The following PCDHGA2 variants were observed in gnomAD, a reference collection of about 807,000 sequenced individuals.
PCDHGA2 encodes protocadherin gamma subfamily A, 2.
PCDHGA2 carries 40 observed loss-of-function variants against 59.2 expected under a neutral mutation model. That is an observed-to-expected ratio of 0.68 (90% CI 0.52 to 0.88). The LOEUF (loss-of-function observed/expected upper bound fraction) is 0.88, where lower values mean the gene tolerates loss of function less well. Ranked by LOEUF, PCDHGA2 falls within the 40% of genes least tolerant of loss-of-function variation. The probability of loss-of-function intolerance (pLI) is 0.00; values close to 1 mark genes in which losing one functional copy is unlikely to be tolerated. For synonymous variants in PCDHGA2, 560 were observed against 526.0 expected (o/e 1.06, Z -0.89); for missense variants, 1,226 against 1,204.0 (o/e 1.02, Z -0.27).
At chr5:141,345,405 T>C in intron 1 of PCDHGA2, 1 of 1,613,986 alleles carries the variant, frequency 6.2e-7, no homozygotes. Context: ...TTTATCCTAC[T>C]CCGCCTACAT....
chr5:141,449,424 T>C (rs2098638345), intron 1 of PCDHGA2, among the ~76,000 whole-genome samples: 1 of 151,674 alleles, frequency 6.6e-6, no homozygotes, highest in Admixed American at 6.6e-5. Context: ...CTGGCCAACA[T>C]GATAAAACTC....
chr5:141,432,266 T>G lies in PCDHGA2; in HGVS notation c.2425-62541T>G. ...CACCATCCAAGGGGCAAGCCTATCG[T>G]CCTACGTGTCCATCAACTCCGACAC... On this transcript the variant is annotated intron_variant, in intron 1 of 3. Transcript: ENST00000394576. This position sits in a 1 kb window ranked among gnomAD's most constrained non-coding sequence, Gnocchi z 6.0. The G allele has an allele frequency of 6.2e-7, 1 of 1,614,214 alleles. No individual in the cohort carries two copies. Among genetic ancestry groups the G allele is most frequent in the East Asian group, 2.2e-5 (1 of 44,880 alleles).
chr5:141,389,111 C>G (rs752785695), intron 1 of PCDHGA2: 8 of 1,614,008 alleles, frequency 5.0e-6, no homozygotes, highest in Non-Finnish European at 6.8e-6. Flanking sequence ...CTGTTCTAGA[C>G]CGCGAGCAGA....
intron 1 of PCDHGA2, chr5:141,415,721 G>A (rs1201366552): frequency 3.0e-6 from 2 of 675,878 alleles, no homozygotes; most frequent in Admixed American, 7.4e-5. Context: ...CTGATGAGTA[G>A]AATTTGATGT....
At chr5:141,451,049 C>T (rs538627151) in intron 1 of PCDHGA2, among the ~76,000 whole-genome samples, 1 of 151,422 alleles carries the variant, frequency 6.6e-6, no homozygotes, top group African/African-American at 2.4e-5. Context: ...AGGCTGGTCT[C>T]GAACTCCTGA....
At chr5:141,399,409 CT>C in intron 1 of PCDHGA2, 2 of 1,614,052 alleles carry the variant, frequency 1.2e-6, no homozygotes, top group South Asian at 2.2e-5. Flanking sequence ...CAAGCCGCCC[CT>C]CTCCTCCAGC....
At chr5:141,388,685 G>A (rs2091454291) in intron 1 of PCDHGA2, 5 of 1,613,932 alleles carry the variant, frequency 3.1e-6, no homozygotes, top group East Asian at 2.2e-5. Flanking sequence ...TGACTGCCAC[G>A]GACCAGGATG....
chr5:141,399,589 A>G (rs1460754588), intron 1 of PCDHGA2: 6 of 1,613,866 alleles, frequency 3.7e-6, no homozygotes, highest in Non-Finnish European at 3.4e-6. Context: ...CTACTCTATC[A>G]TGGCCAGCGA....
intron 1 of PCDHGA2, among the ~76,000 whole-genome samples, chr5:141,368,063 A>G (rs1765467925): frequency 6.6e-6 from 1 of 152,184 alleles, no homozygotes; most frequent in Non-Finnish European, 1.5e-5. Flanking sequence ...GAACTACTAT[A>G]TTTCCCTTCT....
chr5:141,353,819 G>A (rs149485600), intron 1 of PCDHGA2, among the ~76,000 whole-genome samples: 40 of 152,124 alleles, frequency 2.6e-4, no homozygotes, highest in African/African-American at 9.2e-4. Context: ...TCAATCATCC[G>A]CAGTTTGTGC....
chr5:141,340,477 C>G lies in PCDHGA2; in HGVS notation c.1506C>G (p.Ser502=). The change falls in exon 1 of 4, where the codon TCC becomes TCG. Residue 502 remains serine (S), a synonymous_variant. Coordinates refer to ENST00000394576, the MANE Select transcript of PCDHGA2 (RefSeq NM_018915.4). ...AEDTVQGAPL[S]SYISINSDTG... is the part of the protein sequence containing the mutation. Reference sequence around the variant, plus strand: ...ACACTGTTCAGGGGGCACCCTTATCCTCTTACATCTCTATCAACTCCGACA... The same window carrying G: ...ACACTGTTCAGGGGGCACCCTTATCGTCTTACATCTCTATCAACTCCGACA... The G allele has an allele frequency of 6.2e-7, 1 of 1,614,230 alleles. No homozygotes were observed. Among genetic ancestry groups the G allele is most frequent in the Non-Finnish European group, 8.5e-7 (1 of 1,180,050 alleles).
chr5:141,365,137 A>G (rs896268643), intron 1 of PCDHGA2: 15 of 1,613,972 alleles, frequency 9.3e-6, no homozygotes, highest in Non-Finnish European at 1.3e-5. Flanking sequence ...CCACGGATCC[A>G]GATGAGGGAA....
At chr5:141,507,380 C>G (rs984406173) in intron 3 of PCDHGA2, 1 of 151,954 alleles carries the variant, frequency 6.6e-6, no homozygotes, top group African/African-American at 2.4e-5. Flanking sequence ...CTTTTATTTA[C>G]TAAATCTGGC....
At chr5:141,426,810 C>T (rs769435523) in intron 1 of PCDHGA2, 4 of 456,568 alleles carry the variant, frequency 8.8e-6, no homozygotes, top group Non-Finnish European at 1.8e-5. Flanking sequence ...TTCTAATGAA[C>T]ATTTCTCTCT....
chr5:141,498,880 C>G (rs1334510457), intron 2 of PCDHGA2, among the ~76,000 whole-genome samples: 1 of 150,028 alleles, frequency 6.7e-6, no homozygotes, highest in African/African-American at 2.4e-5. Flanking sequence ...TTGCAGTGAG[C>G]TGAGATCACA....
intron 1 of PCDHGA2, chr5:141,419,183 A>G (rs1453963573): frequency 1.9e-6 from 3 of 1,613,958 alleles, no homozygotes; most frequent in Non-Finnish European, 1.7e-6. Context: ...AACCCTGCAC[A>G]TTACTGACGT....
chr5:141,422,115 T>C, intron 1 of PCDHGA2: 1 of 1,605,004 alleles, frequency 6.2e-7, no homozygotes, highest in South Asian at 1.1e-5. Context: ...TCCAATTGGA[T>C]TCACAAACTG....
intron 1 of PCDHGA2, chr5:141,382,734 G>A: frequency 1.8e-6 from 1 of 566,662 alleles, no homozygotes; most frequent in South Asian, 3.4e-5. Context: ...ACAGCACAGA[G>A]AAACGACAGA....
chr5:141,360,143 C>A, intron 1 of PCDHGA2: 2 of 1,594,882 alleles, frequency 1.3e-6, no homozygotes, highest in Non-Finnish European at 8.6e-7. Context: ...AAGATGAAAG[C>A]GAGCTCAGGG....
Sources: allele counts gnomAD v4.1 joint callset (sites outside exome capture counted in the v4.1 genomes callset), GRCh38; gene constraint gnomAD v4.1.1; non-coding constraint Gnocchi (gnomAD v3.1); transcripts MANE v1.5; gene names NCBI Gene and HGNC (gene_info 2026-07-23, HGNC 2026-07-21).